The following AHI1 variants were observed in gnomAD, a reference collection of about 807,000 sequenced individuals.
The protein encoded by AHI1 is jouberin.
AHI1 carries 123 observed loss-of-function variants against 149.3 expected under a neutral mutation model. That is an observed-to-expected ratio of 0.82 (90% CI 0.71 to 0.96). The LOEUF is 0.96. Ranked by LOEUF, AHI1 falls within the 40% of genes least tolerant of loss-of-function variation. AHI1 has a pLI of 0.00. For synonymous variants in AHI1, 475 were observed against 459.8 expected, an observed-to-expected ratio of 1.03 and a Z score of -0.42; for missense variants, 1,439 against 1,422.7, an observed-to-expected ratio of 1.01 and a Z score of -0.18.
intron 24 of AHI1, among the ~76,000 whole-genome samples, chr6:135,343,536 C>T (rs901012696): frequency 4.0e-5 from 6 of 151,296 alleles, no homozygotes; most frequent in African/African-American, 9.7e-5. Context: ...ATAGAATAGG[C>T]GTGTGTATGG....
chr6:135,459,941 C>T (rs981125754), intron 8 of AHI1, among the ~76,000 whole-genome samples: 2 of 152,104 alleles, frequency 1.3e-5, no homozygotes, highest in African/African-American at 4.8e-5. Flanking sequence ...TCTGTAATCC[C>T]AGCACTCTGG....
rs371835751 is a variant in AHI1 at position 135,448,458 on chromosome 6, T to C, written c.1458A>G (p.Gly486=). ...GAAGTTTTGAGTTGATGTTTGCATT[T>C]CCATTGGCTCCCAGAAGCTTAAAAT... ...WAFLKLLGAN[G]NANINSKLRL... is the part of the protein sequence containing the mutation. The change falls in exon 12 of 29, where the codon GGA becomes GGG. Residue 486 remains glycine (G), a synonymous_variant. Transcript: ENST00000265602. 1 of 1,521,360 alleles carries C rather than the reference T, an allele frequency of 6.6e-7. No homozygotes were observed. Among genetic ancestry groups the C allele is most frequent in the Non-Finnish European group, 8.9e-7 (1 of 1,118,558 alleles). The allele number at this position is 1,521,360 out of a possible 1,614,324, so 94.2% of individuals were successfully genotyped here.
intron 5 of AHI1, among the ~76,000 whole-genome samples, chr6:135,475,383 A>G (rs1440811364): frequency 6.6e-6 from 1 of 152,250 alleles, no homozygotes; most frequent in Non-Finnish European, 1.5e-5. Context: ...CAAGAAGGGC[A>G]TATTTTTAGG....
chr6:135,314,958 T>G (rs1287573566), intron 26 of AHI1, among the ~76,000 whole-genome samples: 1 of 152,220 alleles, frequency 6.6e-6, no homozygotes, highest in African/African-American at 2.4e-5. Flanking sequence ...TGCCCTTGCC[T>G]ACGTCCTATT....
chr6:135,479,388 T>C (rs1793234831), intron 5 of AHI1, among the ~76,000 whole-genome samples: 1 of 152,220 alleles, frequency 6.6e-6, no homozygotes, highest in South Asian at 2.1e-4. Flanking sequence ...GCCTACCCCT[T>C]GTGTCAGGGT....
At chr6:135,331,802 A>G (rs1056265225) in intron 24 of AHI1, among the ~76,000 whole-genome samples, 2 of 152,212 alleles carry the variant, frequency 1.3e-5, no homozygotes, top group African/African-American at 4.8e-5. Flanking sequence ...TGCCAGTCTA[A>G]TAAGGCAATA....
chr6:135,382,919 A>C (rs1776997549), intron 23 of AHI1, among the ~76,000 whole-genome samples: 2 of 105,672 alleles, frequency 1.9e-5, no homozygotes, highest in Admixed American at 2.1e-4. Context: ...AAAAAAAAAA[A>C]AAAAAAAATA....
At chr6:135,489,297 A>G (rs951512631) in intron 5 of AHI1, among the ~76,000 whole-genome samples, 17 of 152,248 alleles carry the variant, frequency 1.1e-4, no homozygotes, top group African/African-American at 4.1e-4. Context: ...GTGCCCCTCA[A>G]CATTTAAACT....
At chr6:135,363,363 G>C in intron 23 of AHI1, among the ~76,000 whole-genome samples, 1 of 151,972 alleles carries the variant, frequency 6.6e-6, no homozygotes, top group Admixed American at 6.5e-5. Flanking sequence ...ACAGGGTTGG[G>C]GGTAAGGTCA....
chr6:135,420,702 T>A (rs1387372210), intron 20 of AHI1, among the ~76,000 whole-genome samples: 1 of 152,196 alleles, frequency 6.6e-6, no homozygotes, highest in Non-Finnish European at 1.5e-5. Context: ...GATTAGGCTC[T>A]GGCATAAGGG....
chr6:135,489,857 G>A (rs2128133262), intron 5 of AHI1: 1 of 209,318 alleles, frequency 4.8e-6, no homozygotes, highest in Non-Finnish European at 9.1e-6. Context: ...CTTACTACAA[G>A]CAAAATGTAG....
At chr6:135,391,249 T>C (rs1778436811) in intron 23 of AHI1, among the ~76,000 whole-genome samples, 1 of 152,188 alleles carries the variant, frequency 6.6e-6, no homozygotes, top group Non-Finnish European at 1.5e-5. Flanking sequence ...GATAATTCTT[T>C]TACCTAGAGC....
intron 27 of AHI1, among the ~76,000 whole-genome samples, chr6:135,298,255 T>C (rs190964234): frequency 1.3e-5 from 2 of 151,104 alleles, no homozygotes; most frequent in East Asian, 1.9e-4. Context: ...TTCTTCTAGA[T>C]ACCTTAAAAA....
chr6:135,352,150 T>C (rs1165036086), intron 24 of AHI1, among the ~76,000 whole-genome samples: 1 of 152,204 alleles, frequency 6.6e-6, no homozygotes, highest in East Asian at 1.9e-4. Flanking sequence ...CGCCACCACC[T>C]GCAATTTCAT....
At chr6:135,297,611 T>C in intron 27 of AHI1, 1 of 435,498 alleles carries the variant, frequency 2.3e-6, no homozygotes, top group South Asian at 1.7e-5. Flanking sequence ...TATCTCTCAA[T>C]GCATCTAGCT....
chr6:135,295,924 C>T (rs1331036099), intron 27 of AHI1, among the ~76,000 whole-genome samples: 1 of 152,228 alleles, frequency 6.6e-6, no homozygotes, highest in African/African-American at 2.4e-5. Context: ...ACGATCTCGG[C>T]TCACTGCAAT....
Position 135,380,743 on chromosome 6 carries a change from C to G in AHI1, c.3109+14033G>C, listed in dbSNP as rs1288495633. ...TTTAAGTAAAATAACCCCCCCCCCC[C>G]CAAAAAAAAAGTACAAAGTTAAAAC... On this transcript the variant is annotated intron_variant, in intron 23 of 28. Transcript: ENST00000265602. Among the ~76,000 whole-genome samples, 26 of 120,612 alleles carry G rather than the reference C, an allele frequency of 2.2e-4. 1 individual carries two copies. Among genetic ancestry groups the G allele is most frequent in the African/African-American group, 5.4e-4 (14 of 25,754 alleles). The allele number at this position is 120,612 out of a possible 152,430, so 79.1% of individuals were successfully genotyped here.
At position 135,466,107 on chromosome 6, in the gene AHI1, A is replaced by C. The variant is rs1488249011; in HGVS notation, c.456T>G (p.Ser152=). ...KPETPENKVD[S]THQKTHTKPQ... is the part of the protein sequence containing the mutation. ...GCTTTGTATGTGTTTTCTGGTGTGT[A>C]GAATCAACCTTATTCTCAGGAGTTT... is the stretch of plus-strand genomic sequence containing the variant. The change falls in exon 7 of 29, where the codon TCT becomes TCG. Residue 152 remains serine (S), a synonymous_variant. Coordinates refer to ENST00000265602, the MANE Select transcript of AHI1 (RefSeq NM_001134831.2). 4 of 1,613,912 alleles carry C rather than the reference A, an allele frequency of 2.5e-6. No individual in the cohort carries two copies. Among genetic ancestry groups the C allele is most frequent in the Admixed American group, 1.7e-5 (1 of 60,010 alleles).
At chr6:135,400,610 A>C (rs1233668856) in intron 22 of AHI1, among the ~76,000 whole-genome samples, 3 of 152,232 alleles carry the variant, frequency 2.0e-5, no homozygotes. Context: ...TCCCTGAGGT[A>C]ATTTATAATC....
Sources: allele counts gnomAD v4.1 joint callset (sites outside exome capture counted in the v4.1 genomes callset), GRCh38; gene constraint gnomAD v4.1.1; transcripts MANE v1.5; gene names NCBI Gene and HGNC (gene_info 2026-07-23, HGNC 2026-07-21).